The following FABP6 variants were observed in gnomAD, a reference collection of about 807,000 sequenced individuals.
The protein encoded by FABP6 is fatty acid binding protein 6, also known as gastrotropin.
A neutral mutation model predicts 14.9 loss-of-function variants in FABP6; 13 were observed. The observed-to-expected ratio is 0.87, with a 90% confidence interval of 0.57 to 1.39. The LOEUF (loss-of-function observed/expected upper bound fraction) is 1.39. FABP6 is among the 40% of genes most tolerant of loss of function. FABP6 has a pLI of 0.00. For missense variants in FABP6, 161 were observed against 167.2 expected, an observed-to-expected ratio of 0.96 and a Z score of 0.20; for synonymous variants, 75 against 63.6, an observed-to-expected ratio of 1.18 and a Z score of -0.85.
At chr5:160,205,303 G>C (rs1021728158) in intron 2 of FABP6, among the ~76,000 whole-genome samples, 1 of 110,950 alleles carries the variant, frequency 9.0e-6, no homozygotes, top group Non-Finnish European at 1.7e-5. Context: ...GGGTGACAGA[G>C]CAAGACTTCA....
upstream of FABP6, among the ~76,000 whole-genome samples, chr5:160,226,532 T>G (rs1030581406): frequency 1.2e-5 from 1 of 85,936 alleles, no homozygotes; most frequent in African/African-American, 5.3e-5. Flanking sequence ...TGAGACTGTC[T>G]CAAAAAAAAA....
chr5:160,200,392 C>A (rs2421727), intron 2 of FABP6, among the ~76,000 whole-genome samples: 23 of 151,254 alleles, frequency 1.5e-4, no homozygotes, highest in African/African-American at 5.6e-4. Context: ...AGGATGCAAA[C>A]GCCCGTTGAG....
At chr5:160,195,283 C>CAAAAAAAAAAA (rs57229719) in intron 1 of FABP6, among the ~76,000 whole-genome samples, 4 of 63,566 alleles carry the variant, frequency 6.3e-5, no homozygotes, top group African/African-American at 2.3e-4. Flanking sequence ...GACTCTGTCT[C>CAAAAAAAAAAA]AAAAAAAAAA....
At chr5:160,189,977 T>C (rs1323760938) in intron 1 of FABP6, among the ~76,000 whole-genome samples, 1 of 152,154 alleles carries the variant, frequency 6.6e-6, no homozygotes, top group Non-Finnish European at 1.5e-5. Flanking sequence ...GCATAGGAGA[T>C]AAAAATGACA....
chr5:160,221,835 A>G (rs1760134152), intron 3 of FABP6, among the ~76,000 whole-genome samples: 1 of 152,234 alleles, frequency 6.6e-6, no homozygotes, highest in Non-Finnish European at 1.5e-5. Context: ...TAAAACCAGT[A>G]GGAAAAAAGG....
At chr5:160,231,351 C>T (rs1160741646) in intron 1 of FABP6, among the ~76,000 whole-genome samples, 1 of 152,214 alleles carries the variant, frequency 6.6e-6, no homozygotes, top group East Asian at 1.9e-4. Context: ...TCTGGGTGCT[C>T]ACTTCCTTAT....
intron 3 of FABP6, 33 bp downstream of exon 3, chr5:160,234,942 T>C: frequency 3.1e-6 from 5 of 1,589,638 alleles, no homozygotes; most frequent in Non-Finnish European, 4.3e-6. Context: ...GGATGATTAT[T>C]GGATATTTGT....
At chr5:160,200,077 T>C (rs1759603784) in intron 2 of FABP6, among the ~76,000 whole-genome samples, 1 of 152,172 alleles carries the variant, frequency 6.6e-6, no homozygotes, top group Non-Finnish European at 1.5e-5. Context: ...GCAGTGAAAC[T>C]AGTGTGAAGT....
upstream of FABP6, among the ~76,000 whole-genome samples, chr5:160,226,811 T>C (rs1344997784): frequency 6.6e-6 from 1 of 152,186 alleles, no homozygotes; most frequent in East Asian, 1.9e-4. Context: ...TCATTATTAT[T>C]ATCAGTGAGG....
intron 2 of FABP6, among the ~76,000 whole-genome samples, chr5:160,204,332 A>G (rs1561744047): frequency 6.7e-6 from 1 of 150,020 alleles, no homozygotes; most frequent in East Asian, 1.9e-4. Context: ...TAAAATAAAG[A>G]TAAAAATAAA....
chr5:160,232,562 T>A (rs188990184), intron 2 of FABP6, among the ~76,000 whole-genome samples: 2 of 152,308 alleles, frequency 1.3e-5, no homozygotes, highest in East Asian at 3.9e-4. Context: ...TTGCTACAAT[T>A]ACTCTCTCCA....
chr5:160,229,689 A>G lies in FABP6; in HGVS notation c.67+65A>G. ...TGTCACAGCCAGCTCTGGGCCAGGA[A>G]CCCTAAAGTAGAATGGGACAGGATT... On this transcript the variant is annotated intron_variant, in intron 1 of 3. Transcript: ENST00000402432. 2.1e-6 allele frequency: 3 copies of G among 1,421,932 alleles called. 1 individual carries two copies. The Admixed American group carries it at 5.0e-5, about 24-fold the overall frequency. The allele number at this position is 1,421,932 out of a possible 1,614,324, so 88.1% of individuals were successfully genotyped here. A position where few individuals can be genotyped will look rare whatever the true frequency, so the allele number is the denominator to read the frequency against.
At chr5:160,212,626 G>A (rs1350119115) in intron 2 of FABP6, among the ~76,000 whole-genome samples, 2 of 151,532 alleles carry the variant, frequency 1.3e-5, no homozygotes, top group East Asian at 1.9e-4. Flanking sequence ...CCACCACCAC[G>A]CCTGGCTAAT....
intron 1 of FABP6, among the ~76,000 whole-genome samples, chr5:160,193,447 C>G (rs4533933): frequency 0.091 from 13,882 of 152,042 alleles, 857 homozygotes; most frequent in East Asian, 0.36. Flanking sequence ...GAGCGGGTTG[C>G]GACTGCTGGC....
upstream of FABP6, chr5:160,229,466 A>G (rs1304043985): frequency 1.3e-6 from 2 of 1,598,246 alleles, no homozygotes; most frequent in African/African-American, 1.3e-5. Flanking sequence ...AGCCTCAGCA[A>G]CTGGGAGAGT....
At chr5:160,217,472 A>G (rs1387307100) in intron 3 of FABP6, among the ~76,000 whole-genome samples, 1 of 152,204 alleles carries the variant, frequency 6.6e-6, no homozygotes, top group African/African-American at 2.4e-5. Context: ...AAAGCTGGGA[A>G]TTGGACAGAG....
chr5:160,225,289 G>A (rs981230158), upstream of FABP6, among the ~76,000 whole-genome samples: 12 of 138,836 alleles, frequency 8.6e-5, no homozygotes, highest in African/African-American at 3.2e-4. Context: ...TAGAGATGGG[G>A]TTCTGCCATG....
intron 1 of FABP6, among the ~76,000 whole-genome samples, chr5:160,192,342 C>T (rs1211789800): frequency 6.9e-6 from 1 of 145,140 alleles, no homozygotes; most frequent in African/African-American, 2.6e-5. Context: ...AGTCTTATCC[C>T]TCACCCTGTG....
At chr5:160,222,095 C>CT (rs202190021) in intron 3 of FABP6, among the ~76,000 whole-genome samples, 9,373 of 130,294 alleles carry the variant, frequency 0.072, 427 homozygotes, top group Middle Eastern at 0.11. Context: ...TTTTTCTTTT[C>CT]TTTTTTTTTT....
Sources: gnomAD v4.1 joint callset for allele counts (sites outside exome capture counted in the v4.1 genomes callset) on GRCh38, gnomAD v4.1.1 for gene constraint, MANE v1.5 for transcripts, NCBI Gene and HGNC (gene_info 2026-07-23, HGNC 2026-07-21) for gene names.